The following SORCS3 variants were observed in gnomAD, a reference collection of about 807,000 sequenced individuals.
SORCS3 encodes VPS10 domain-containing receptor SorCS3.
SORCS3 carries 57 observed loss-of-function variants against 146.3 expected under a neutral mutation model. That is an observed-to-expected ratio of 0.39 (90% CI 0.31 to 0.49). The LOEUF (loss-of-function observed/expected upper bound fraction) is 0.49. SORCS3 is among the 20% of genes least tolerant of loss of function. SORCS3 has a pLI of 0.92. For missense variants in SORCS3, 1,341 were observed against 1,575.5 expected, an observed-to-expected ratio of 0.85 and a Z score of 2.52; for synonymous variants, 653 against 618.5, an observed-to-expected ratio of 1.06 and a Z score of -0.83.
intron 3 of SORCS3, among the ~76,000 whole-genome samples, chr10:104,946,667 A>G (rs149242650): frequency 1.0e-3 from 152 of 152,160 alleles, no homozygotes; most frequent in African/African-American, 3.5e-3. Context: ...GGCAGAGCGT[A>G]TTTCCATGTC....
intron 2 of SORCS3, among the ~76,000 whole-genome samples, chr10:104,867,716 C>T (rs1016660957): frequency 6.6e-6 from 1 of 152,100 alleles, no homozygotes; most frequent in Non-Finnish European, 1.5e-5. Flanking sequence ...AGTCCCAGGC[C>T]TGCCTAGGAG....
At chr10:104,775,454 T>G (rs1157332404) in intron 1 of SORCS3, among the ~76,000 whole-genome samples, 1 of 152,198 alleles carries the variant, frequency 6.6e-6, no homozygotes, top group Non-Finnish European at 1.5e-5. Flanking sequence ...CTGTTGACTT[T>G]AGGCACACAG....
intron 1 of SORCS3, among the ~76,000 whole-genome samples, chr10:104,839,019 A>G (rs769823755): frequency 1.7e-4 from 26 of 152,198 alleles, no homozygotes; most frequent in Non-Finnish European, 3.2e-4. Context: ...TTTTTCATCT[A>G]TAAAATGAGA....
At chr10:104,924,533 G>A (rs1040685957) in intron 3 of SORCS3, among the ~76,000 whole-genome samples, 1 of 152,176 alleles carries the variant, frequency 6.6e-6, no homozygotes, top group African/African-American at 2.4e-5. Flanking sequence ...ATGAACCTGG[G>A]TGGGAAACCA....
chr10:104,835,920 G>A (rs922225339), intron 1 of SORCS3, among the ~76,000 whole-genome samples: 2 of 152,182 alleles, frequency 1.3e-5, no homozygotes, highest in African/African-American at 2.4e-5. Flanking sequence ...GCGTGGCAGG[G>A]AAAGTGTACC....
intron 4 of SORCS3, among the ~76,000 whole-genome samples, chr10:105,005,542 G>T: frequency 6.6e-6 from 1 of 152,090 alleles, no homozygotes; most frequent in East Asian, 1.9e-4. Flanking sequence ...AGTGGGGGGA[G>T]GAGGAATAAT....
intron 1 of SORCS3, among the ~76,000 whole-genome samples, chr10:104,712,870 C>T (rs1222737497): frequency 6.6e-6 from 1 of 151,764 alleles, no homozygotes; most frequent in African/African-American, 2.4e-5. Context: ...AACCCATGGT[C>T]TTGAGGGGTT....
intron 1 of SORCS3, among the ~76,000 whole-genome samples, chr10:104,736,666 A>G (rs1425737089): frequency 2.0e-5 from 3 of 151,902 alleles, no homozygotes; most frequent in Non-Finnish European, 4.4e-5. Context: ...TCCTTCTGAA[A>G]TCTGTTTCCT....
intron 1 of SORCS3, among the ~76,000 whole-genome samples, chr10:104,691,775 C>T (rs949635371): frequency 2.0e-5 from 3 of 152,068 alleles, no homozygotes; most frequent in Non-Finnish European, 4.4e-5. Context: ...GGGTCTTGCT[C>T]TGCCACCCAG....
chr10:105,181,084 T>C (rs1261169922), intron 14 of SORCS3, among the ~76,000 whole-genome samples: 1 of 152,100 alleles, frequency 6.6e-6, no homozygotes, highest in Non-Finnish European at 1.5e-5. Flanking sequence ...TGAGGGAGGA[T>C]CTTTGTGTAT....
chr10:105,118,196 A>C (rs2055906454), intron 7 of SORCS3, among the ~76,000 whole-genome samples: 1 of 152,106 alleles, frequency 6.6e-6, no homozygotes, highest in Non-Finnish European at 1.5e-5. Context: ...GGTTATCCCC[A>C]TGCTGTTCTC....
intron 7 of SORCS3, among the ~76,000 whole-genome samples, chr10:105,115,148 G>T (rs2055884621): frequency 6.6e-6 from 1 of 152,060 alleles, no homozygotes; most frequent in African/African-American, 2.4e-5. Flanking sequence ...TTAAAGACCT[G>T]GGTTGTAATC....
intron 1 of SORCS3, among the ~76,000 whole-genome samples, chr10:104,649,302 C>T (rs2015531928): frequency 1.3e-5 from 2 of 152,152 alleles, no homozygotes; most frequent in Non-Finnish European, 2.9e-5. Context: ...TTGTTACCCT[C>T]TCTGCTGTTT....
intron 1 of SORCS3, among the ~76,000 whole-genome samples, chr10:104,664,271 A>C (rs900866231): frequency 6.6e-6 from 1 of 152,180 alleles, no homozygotes; most frequent in African/African-American, 2.4e-5. Flanking sequence ...GTGAGCAATA[A>C]ACAGGAGCGG....
chr10:105,108,303 G>A (rs1384994509), intron 7 of SORCS3, among the ~76,000 whole-genome samples: 4 of 152,084 alleles, frequency 2.6e-5, no homozygotes, highest in African/African-American at 9.7e-5. Flanking sequence ...TTGAGTCTGG[G>A]TTCAGGAGCG....
intron 1 of SORCS3, among the ~76,000 whole-genome samples, chr10:104,789,848 G>A (rs959745501): frequency 1.3e-5 from 2 of 152,178 alleles, no homozygotes; most frequent in Non-Finnish European, 2.9e-5. Context: ...TGATCCTGGG[G>A]GCACTGTTTC....
intron 1 of SORCS3, among the ~76,000 whole-genome samples, chr10:104,831,849 A>T (rs1325838035): frequency 6.6e-6 from 1 of 152,170 alleles, no homozygotes; most frequent in African/African-American, 2.4e-5. Context: ...CAAGTAGGTG[A>T]TGGGGGAGGG....
At chr10:104,985,513 GA>G (rs1419238903) in intron 4 of SORCS3, among the ~76,000 whole-genome samples, 1 of 152,090 alleles carries the variant, frequency 6.6e-6, no homozygotes, top group Non-Finnish European at 1.5e-5. Context: ...TTGATATTTT[GA>G]TCTCCTCCCA....
chr10:104,835,715 G>A (rs1046625131), intron 1 of SORCS3, among the ~76,000 whole-genome samples: 3 of 152,182 alleles, frequency 2.0e-5, no homozygotes, highest in Non-Finnish European at 4.4e-5. Context: ...ATTGCAGTTA[G>A]GGTCTAGAAT....
Sources: gnomAD v4.1 joint callset for allele counts (sites outside exome capture counted in the v4.1 genomes callset) on GRCh38, gnomAD v4.1.1 for gene constraint, MANE v1.5 for transcripts, NCBI Gene and HGNC (gene_info 2026-07-23, HGNC 2026-07-21) for gene names.